The following LATS2 variants were observed in gnomAD, a reference collection of about 807,000 sequenced individuals.
LATS2 encodes the protein large tumor suppressor kinase 2, also known as serine/threonine-protein kinase LATS2.
A neutral mutation model predicts 76.0 loss-of-function variants in LATS2; 24 were observed. The observed-to-expected ratio is 0.32, with a 90% CI of 0.23 to 0.44. LATS2 has a LOEUF of 0.44. Among genes scored for constraint, LATS2 ranks in the 20% least tolerant of loss-of-function variants. The probability of loss-of-function intolerance (pLI) is 1.00; values close to 1 mark genes in which losing one functional copy is unlikely to be tolerated. For missense variants in LATS2, 1,286 were observed against 1,481.2 expected, an observed-to-expected ratio of 0.87 and a Z score of 2.16; for synonymous variants, 692 against 635.4, an observed-to-expected ratio of 1.09 and a Z score of -1.34.
chr13:20,998,614 G>T (rs1344730709), intron 2 of LATS2, among the ~76,000 whole-genome samples: 5 of 152,232 alleles, frequency 3.3e-5, no homozygotes, highest in Admixed American at 2.6e-4. Flanking sequence ...CCCACGGAAA[G>T]GCCCCTGGAA....
intron 2 of LATS2, among the ~76,000 whole-genome samples, chr13:20,993,166 G>C (rs1160800567): frequency 6.6e-6 from 1 of 152,128 alleles, no homozygotes; most frequent in African/African-American, 2.4e-5. Flanking sequence ...TCCGCAGAGA[G>C]AGATGCAGCA....
At chr13:20,994,984 C>T (rs1870687642) in intron 2 of LATS2, among the ~76,000 whole-genome samples, 1 of 152,068 alleles carries the variant, frequency 6.6e-6, no homozygotes, top group African/African-American at 2.4e-5. Flanking sequence ...GTACAGGGCG[C>T]AGATAGGGAG....
At position 21,046,166 on chromosome 13, in the gene LATS2, A is replaced by T; in HGVS notation, c.-140T>A. On this transcript the variant is annotated 5_prime_UTR_variant, in exon 2 of 8. The change abolishes an upstream ATG in the 5' untranslated region. Transcript: ENST00000382592. ...CCTTTTGAAAATGTTCTTTCCTTCC[A>T]TTTTTGTAGTTCCTATAGAGAACCT... 2.9e-6 allele frequency: 2 copies of T among 685,848 alleles called. No individual in the cohort carries two copies. Among genetic ancestry groups the T allele is most frequent in the Non-Finnish European group, 4.7e-6 (2 of 424,436 alleles). 42.5% of individuals were successfully genotyped at this position (685,848 alleles called of 1,614,324 possible).
intron 2 of LATS2, among the ~76,000 whole-genome samples, chr13:20,997,347 G>A (rs377724358): frequency 1.0e-3 from 155 of 152,296 alleles, no homozygotes; most frequent in African/African-American, 3.3e-3. Flanking sequence ...TAACCACTAC[G>A]AAGCCTGGAA....
In LATS2 at chr13:21,018,281, A is replaced by T. The variant is rs1029738744; in HGVS notation, c.343-26877T>A. On this transcript the variant is annotated intron_variant, in intron 2 of 7. Coordinates refer to ENST00000382592, the MANE Select transcript of LATS2 (RefSeq NM_014572.3). ...AAGGCAAGTTTCCTTCAGACTTGGGACAGACCACACTACCCTACACAGGAC... is the reference window on the plus strand; with the variant it reads ...AAGGCAAGTTTCCTTCAGACTTGGGTCAGACCACACTACCCTACACAGGAC... Among the ~76,000 whole-genome samples, 4 of 152,172 alleles carry T rather than the reference A, an allele frequency of 2.6e-5. No homozygotes were observed. In the East Asian group the frequency reaches 7.7e-4, roughly 29 times the overall value.
intron 2 of LATS2, among the ~76,000 whole-genome samples, chr13:21,040,482 G>A (rs543915896): frequency 6.6e-6 from 1 of 152,342 alleles, no homozygotes; most frequent in Non-Finnish European, 1.5e-5. Flanking sequence ...AAGAGCCTGT[G>A]TAAAAAGGAA....
intron 1 of LATS2, among the ~76,000 whole-genome samples, chr13:21,053,438 C>T (rs1873345914): frequency 1.3e-5 from 2 of 151,974 alleles, no homozygotes; most frequent in South Asian, 2.1e-4. Flanking sequence ...GATAGCACCA[C>T]GAGGGCAGGA....
rs1413528216 is a variant in LATS2, at chr13:20,991,460, A to G, written c.343-56T>C. 3 of 1,605,262 alleles carry G rather than the reference A, an allele frequency of 1.9e-6. No individual in the cohort carries two copies. Among genetic ancestry groups the G allele is most frequent in the African/African-American group, 1.3e-5 (1 of 74,726 alleles). Reference sequence around the variant, plus strand: ...ATGTCATCCTAAAACAAAGCCACCAAAGACTCCCATCCCCACTCCGTGCTG... The same window carrying G: ...ATGTCATCCTAAAACAAAGCCACCAGAGACTCCCATCCCCACTCCGTGCTG... On this transcript the variant is annotated intron_variant, in intron 2 of 7. Coordinates refer to ENST00000382592, the MANE Select transcript of LATS2 (RefSeq NM_014572.3). The surrounding 1 kb of genome is among the most constrained non-coding windows in gnomAD (Gnocchi z 4.9).
chr13:20,988,107 C>T lies in LATS2; in HGVS notation c.1673G>A (p.Arg558His), dbSNP rs745371213. The change falls in exon 4 of 8, where the codon CGC becomes CAC. Residue 558 changes from arginine (R) to histidine (H), a missense_variant. This residue lies in a region of LATS2 where 710 missense variants were observed against 660.9 expected (regional missense o/e 1.07). Transcript: ENST00000382592. Reference protein sequence around the residue: ...PNEPEGGDKSRKSAKGDKGGK... With the variant: ...PNEPEGGDKSHKSAKGDKGGK... ...GCCTTTGTCCCCCTTGGCGCTTTTG[C>T]GGCTCTTGTCGCCGCCCTCGGGCTC... 9.9e-6 allele frequency: 16 copies of T among 1,614,122 alleles called. No individual in the cohort carries two copies. Among genetic ancestry groups the T allele is most frequent in the South Asian group, 5.5e-5 (5 of 91,094 alleles).
At chr13:20,981,329 A>G (rs904068617) in intron 6 of LATS2, 137 bp downstream of exon 6, 2 of 739,616 alleles carry the variant, frequency 2.7e-6, no homozygotes, top group Non-Finnish European at 4.3e-6. Flanking sequence ...TGCAGAAATT[A>G]GTAGCTTTCA....
At chr13:20,979,963 G>A (rs563559579) in intron 6 of LATS2, among the ~76,000 whole-genome samples, 166 bp from the exon 7 acceptor site, 3 of 152,328 alleles carry the variant, frequency 2.0e-5, no homozygotes, top group South Asian at 4.1e-4. Context: ...ACTACTGGGT[G>A]GGGTGGTGGG....
At chr13:21,017,445 G>A (rs568055944) in intron 2 of LATS2, among the ~76,000 whole-genome samples, 6 of 152,038 alleles carry the variant, frequency 3.9e-5, no homozygotes, top group Non-Finnish European at 8.8e-5. Flanking sequence ...AAGGTACAGG[G>A]ATTACAGGCA....
At chr13:21,037,965 T>C (rs1872737924) in intron 2 of LATS2, among the ~76,000 whole-genome samples, 1 of 151,950 alleles carries the variant, frequency 6.6e-6, no homozygotes, top group East Asian at 1.9e-4. Flanking sequence ...CTTTTCAGAA[T>C]GAGGGGGGCT....
intron 1 of LATS2, among the ~76,000 whole-genome samples, chr13:21,054,162 G>T (rs764573947): frequency 5.3e-5 from 8 of 152,112 alleles, no homozygotes; most frequent in African/African-American, 1.9e-4. Context: ...TTTAAACATA[G>T]CTACACGGCT....
intron 2 of LATS2, among the ~76,000 whole-genome samples, chr13:21,020,819 T>G (rs1293644673): frequency 1.3e-5 from 2 of 152,200 alleles, no homozygotes; most frequent in Non-Finnish European, 2.9e-5. Context: ...CAAAGGCACC[T>G]CCATCCCTGC....
rs568312885 is a variant in LATS2, at chr13:21,037,826, G to A, written c.342+7859C>T. On this transcript the variant is annotated intron_variant, in intron 2 of 7. Transcript: ENST00000382592. ...GGGCCAGGGTGGTCAGGACCAGGGC[G>A]GGTAGGGCCAGGGTGGGCCTGCCAG... 2.7e-5 allele frequency among the ~76,000 whole-genome samples: 4 copies of A among 148,754 alleles called. No homozygotes were observed. In the East Asian group the frequency reaches 7.7e-4, roughly 29 times the overall value.
intron 2 of LATS2, among the ~76,000 whole-genome samples, chr13:21,019,973 T>C (rs1348544166): frequency 1.8e-5 from 2 of 112,134 alleles, no homozygotes; most frequent in South Asian, 2.9e-4. Context: ...AGACTCCATC[T>C]AAAAAAAAAA....
Position 20,988,577 on chromosome 13 carries a change from T to C in LATS2, c.1203A>G (p.Pro401=). Residue 401 remains proline (P), a synonymous_variant, in exon 4 of 8, where the codon CCA becomes CCG. Transcript: ENST00000382592. ...RAHVAFRPDC[P]VPSRTNSFNS... ...TGAAGGAGTTGGTCCTGCTGGGCACTGGGCAGTCAGGCCGGAAGGCCACGT... is the reference window on the plus strand; with the variant it reads ...TGAAGGAGTTGGTCCTGCTGGGCACCGGGCAGTCAGGCCGGAAGGCCACGT... 1 of 1,588,174 alleles carries C rather than the reference T, an allele frequency of 6.3e-7. No individual in the cohort carries two copies. The highest frequency in any genetic ancestry group is 8.5e-7 in the Non-Finnish European group (1 of 1,175,294).
intron 6 of LATS2, among the ~76,000 whole-genome samples, chr13:20,980,613 T>C (rs1351208555): frequency 6.6e-6 from 1 of 152,146 alleles, no homozygotes; most frequent in East Asian, 1.9e-4. Flanking sequence ...CCCCAAGCAA[T>C]GGTTTCTTGA....
Sources: gnomAD v4.1 joint callset for allele counts (sites outside exome capture counted in the v4.1 genomes callset) on GRCh38, gnomAD v4.1.1 for gene constraint, gnomAD v4.1.1 regional missense constraint, Gnocchi (gnomAD v3.1) non-coding constraint, MANE v1.5 for transcripts, NCBI Gene and HGNC (gene_info 2026-07-23, HGNC 2026-07-21) for gene names.